Variants in RGS8 observed in about 807,000 individuals in gnomAD.
The protein encoded by RGS8 is regulator of G-protein signaling 8.
RGS8 carries 8 observed loss-of-function variants against 21.7 expected under a neutral mutation model. The observed-to-expected ratio is 0.37, with a 90% confidence interval of 0.22 to 0.66. RGS8 has a LOEUF of 0.66. RGS8 is among the 30% of genes least tolerant of loss of function. The pLI is 0.59. For missense variants in RGS8, 157 were observed against 217.9 expected (o/e 0.72, Z 1.76); for synonymous variants, 80 against 83.6 (o/e 0.96, Z 0.24).
chr1:182,647,996 T>C, intron 6 of RGS8, 141 bp downstream of exon 7: 1 of 697,042 alleles, frequency 1.4e-6, no homozygotes, highest in Non-Finnish European at 2.2e-6. Context: ...AATGATCCTT[T>C]TTTCATCAAG....
chr1:182,659,816 AC>A (rs886230378), intron 5 of RGS8, among the ~76,000 whole-genome samples: 1 of 83,792 alleles, frequency 1.2e-5, no homozygotes, highest in African/African-American at 3.4e-5. Context: ...GCAGGGACTC[AC>A]AAAAAAAAAA....
the RGS8 span, among the ~76,000 whole-genome samples, chr1:182,711,478 A>G: frequency 6.6e-6 from 1 of 152,236 alleles, no homozygotes; most frequent in Non-Finnish European, 1.5e-5. Context: ...AAAATAGGAC[A>G]CAGGCTGGAT....
upstream of RGS8, chr1:182,672,231 C>G: frequency 5.7e-6 from 1 of 175,116 alleles, no homozygotes; most frequent in Non-Finnish European, 1.2e-5. Context: ...GGCTGCTGCA[C>G]CGGGAGTGGG....
the RGS8 span, among the ~76,000 whole-genome samples, chr1:182,740,882 T>G: frequency 1.5e-3 from 221 of 152,096 alleles, 1 homozygote; most frequent in African/African-American, 5.1e-3. Context: ...TAAGGTCACC[T>G]ATCAACAGGA....
At chr1:182,703,304 A>G in the RGS8 span, among the ~76,000 whole-genome samples, 2 of 152,172 alleles carry the variant, frequency 1.3e-5, no homozygotes, top group African/African-American at 4.8e-5. Context: ...GAGGCTGGGA[A>G]AATTGTGTTA....
chr1:182,655,114 A>G (rs1423609063), intron 5 of RGS8, among the ~76,000 whole-genome samples: 2 of 152,234 alleles, frequency 1.3e-5, no homozygotes, highest in Non-Finnish European at 2.9e-5. Context: ...TTAGGAGAAA[A>G]AAACAAAGCT....
At chr1:182,722,363 C>CAAAAAAAAAAAAA in the RGS8 span, among the ~76,000 whole-genome samples, 2 of 79,418 alleles carry the variant, frequency 2.5e-5, no homozygotes, top group African/African-American at 1.0e-4. Flanking sequence ...AGCAAATTAC[C>CAAAAAAAAAAAAA]AAAAAAAAAA....
the RGS8 span, among the ~76,000 whole-genome samples, chr1:182,723,392 T>C: frequency 6.6e-6 from 1 of 152,166 alleles, no homozygotes; most frequent in Non-Finnish European, 1.5e-5. Context: ...CTCTGGCTGT[T>C]GGCGTGAGGC....
intron 1 of RGS8, among the ~76,000 whole-genome samples, chr1:182,680,699 A>T (rs527897767): frequency 1.3e-5 from 2 of 152,348 alleles, no homozygotes; most frequent in South Asian, 2.1e-4. Flanking sequence ...GCATGGGTAC[A>T]TTACATTCCC....
At chr1:182,646,739 C>A (rs751671338) in exon 7 of RGS8, 1 of 1,611,522 alleles carries the variant, frequency 6.2e-7, no homozygotes. Context: ...TGAGGTCTAA[C>A]TGAGCCTCCT....
At chr1:182,694,137 GAA>G in the RGS8 span, among the ~76,000 whole-genome samples, 94 of 138,094 alleles carry the variant, frequency 6.8e-4, no homozygotes, top group African/African-American at 2.5e-3. Flanking sequence ...AATGTGGAAA[GAA>G]AAAAAAAAAA....
At chr1:182,689,385 T>TA (rs1027156101), upstream of RGS8, among the ~76,000 whole-genome samples, 8 of 152,030 alleles carry the variant, frequency 5.3e-5, no homozygotes, top group Admixed American at 3.9e-4. Flanking sequence ...TTACTTCCAG[T>TA]AAAAATAGCT....
At chr1:182,730,790 T>C in the RGS8 span, among the ~76,000 whole-genome samples, 1 of 152,156 alleles carries the variant, frequency 6.6e-6, no homozygotes, top group Non-Finnish European at 1.5e-5. Flanking sequence ...CCAGTAGATC[T>C]CAATTTTTTA....
the RGS8 span, among the ~76,000 whole-genome samples, chr1:182,701,649 G>T: frequency 6.6e-6 from 1 of 152,100 alleles, no homozygotes; most frequent in East Asian, 1.9e-4. Flanking sequence ...GTATCCAGCC[G>T]CCTGGAAAAC....
At chr1:182,709,928 T>C in the RGS8 span, among the ~76,000 whole-genome samples, 1 of 152,120 alleles carries the variant, frequency 6.6e-6, no homozygotes, top group Non-Finnish European at 1.5e-5. Context: ...AACTCTAGAT[T>C]CTGGGTTACA....
chr1:182,726,501 T>C, the RGS8 span, among the ~76,000 whole-genome samples: 1 of 152,092 alleles, frequency 6.6e-6, no homozygotes, highest in Non-Finnish European at 1.5e-5. Context: ...AGAAACTCTA[T>C]CTTTACTGAA....
At chr1:182,729,553 T>TA in the RGS8 span, among the ~76,000 whole-genome samples, 2 of 152,196 alleles carry the variant, frequency 1.3e-5, no homozygotes, top group Non-Finnish European at 2.9e-5. Flanking sequence ...TGAATGACTT[T>TA]AAAAAACAAA....
chr1:182,713,157 A>G, the RGS8 span, among the ~76,000 whole-genome samples: 8 of 152,100 alleles, frequency 5.3e-5, no homozygotes, highest in Non-Finnish European at 1.5e-5. Flanking sequence ...CCCTGCTGTT[A>G]ACAAAATTGC....
intron 5 of RGS8, among the ~76,000 whole-genome samples, chr1:182,664,673 T>A (rs1280084754): frequency 6.6e-6 from 1 of 152,208 alleles, no homozygotes; most frequent in East Asian, 1.9e-4. Context: ...ATTCATCACA[T>A]AAGCTTGCTG....
Sources: gnomAD v4.1 joint callset for allele counts (sites outside exome capture counted in the v4.1 genomes callset) on GRCh38, gnomAD v4.1.1 for gene constraint, MANE v1.5 for transcripts, NCBI Gene and HGNC (gene_info 2026-07-23, HGNC 2026-07-21) for gene names.